TNPO3: variants seen among roughly 807,000 people sequenced by gnomAD.
TNPO3 encodes transportin-3.
TNPO3 carries 65 observed loss-of-function variants against 122.8 expected under a neutral mutation model. The ratio of observed to expected loss-of-function variants is 0.53; its 90% CI spans 0.43 to 0.65. The LOEUF is 0.65. Ranked by LOEUF, TNPO3 falls within the 30% of genes least tolerant of loss-of-function variation. The pLI, the probability that TNPO3 is intolerant of heterozygous loss-of-function variation, is 0.00. For missense variants in TNPO3, 850 were observed against 1,136.7 expected (o/e 0.75, Z 3.63); for synonymous variants, 372 against 411.2 (o/e 0.90, Z 1.15).
intron 6 of TNPO3, 76 bp downstream of exon 6, chr7:129,000,983 G>T: frequency 1.4e-6 from 2 of 1,480,012 alleles, no homozygotes; most frequent in Non-Finnish European, 1.9e-6. Flanking sequence ...AATGACAGAC[G>T]AATAATAAAA....
intron 1 of TNPO3, among the ~76,000 whole-genome samples, chr7:129,040,996 G>A (rs935766629): frequency 1.3e-5 from 2 of 152,134 alleles, no homozygotes; most frequent in Admixed American, 6.5e-5. Context: ...AAAATCACCC[G>A]TGATGACATT....
At chr7:129,015,260 A>G in intron 3 of TNPO3, 125 bp from the exon 4 acceptor site, 3 of 881,984 alleles carry the variant, frequency 3.4e-6, no homozygotes, top group Admixed American at 3.3e-5. Flanking sequence ...AAGGGGGAGA[A>G]AAAAGATACA....
intron 21 of TNPO3, among the ~76,000 whole-genome samples, chr7:128,960,126 T>C (rs150300000): frequency 1.7e-4 from 26 of 152,284 alleles, no homozygotes; most frequent in African/African-American, 2.4e-4. Context: ...ATGAGTATAA[T>C]AGAGATGAAC....
At chr7:128,986,941 G>A (rs758944531) in intron 11 of TNPO3, 21 bp from the exon 12 acceptor site, 3 of 1,582,870 alleles carry the variant, frequency 1.9e-6, no homozygotes, top group Non-Finnish European at 2.6e-6. Context: ...AAGCCAAGCA[G>A]AGATTACATA....
In TNPO3 at chr7:129,023,335, A is replaced by T. The variant is rs780402276; in HGVS notation, c.121-5178T>A. ...ACTATTTATATACATACTTTTCTAC[A>T]CTTGTATACATACACGTGTAGATAA... On this transcript the variant is annotated intron_variant, in intron 1 of 22. Transcript: ENST00000265388. Among the ~76,000 whole-genome samples the T allele has an allele frequency of 3.7e-4, 56 of 151,922 alleles. 1 individual carries two copies. The highest frequency in any genetic ancestry group is 2.0e-4 in the Admixed American group (3 of 15,246).
At chr7:129,050,908 C>T (rs1808682906) in intron 1 of TNPO3, among the ~76,000 whole-genome samples, 4 of 152,108 alleles carry the variant, frequency 2.6e-5, no homozygotes, top group Admixed American at 2.6e-4. Context: ...TCAGTGGATC[C>T]AGCACAACAA....
intron 8 of TNPO3, among the ~76,000 whole-genome samples, chr7:128,996,406 G>T (rs1048704516): frequency 6.6e-6 from 1 of 151,884 alleles, no homozygotes; most frequent in Non-Finnish European, 1.5e-5. Flanking sequence ...TTTCACTTTT[G>T]TATTAGTTTT....
chr7:129,056,031 AG>A (rs1358197644), upstream of TNPO3: 1 of 1,117,858 alleles, frequency 8.9e-7, no homozygotes, highest in Non-Finnish European at 1.3e-6. Context: ...GGCGCCCTCC[AG>A]GAAGTTCTTC....
intron 1 of TNPO3, among the ~76,000 whole-genome samples, chr7:129,034,197 A>G (rs1806289970): frequency 1.3e-5 from 2 of 152,206 alleles, no homozygotes; most frequent in Non-Finnish European, 2.9e-5. Flanking sequence ...TCTAACTTAT[A>G]TAAGGTACCT....
At chr7:128,976,922 C>T (rs144169931) in intron 16 of TNPO3, among the ~76,000 whole-genome samples, 2 of 152,282 alleles carry the variant, frequency 1.3e-5, no homozygotes, top group East Asian at 3.9e-4. Context: ...TCAAGGGTTG[C>T]CAAACATTTT....
intron 8 of TNPO3, among the ~76,000 whole-genome samples, chr7:128,996,093 T>C (rs1471835618): frequency 1.3e-5 from 2 of 152,190 alleles, no homozygotes; most frequent in Admixed American, 1.3e-4. Context: ...CAAAATACCA[T>C]GACTCAAACA....
At chr7:129,046,902 G>C (rs1220309776) in intron 1 of TNPO3, among the ~76,000 whole-genome samples, 1 of 152,168 alleles carries the variant, frequency 6.6e-6, no homozygotes, top group Non-Finnish European at 1.5e-5. Context: ...CCCCCATCAT[G>C]ATTCAATTAC....
chr7:128,997,639 T>C, intron 7 of TNPO3, 104 bp from the exon 8 acceptor site: 1 of 999,912 alleles, frequency 1.0e-6, no homozygotes. Context: ...TATTTTTAAA[T>C]AATATGAGTG....
At position 129,005,170 on chromosome 7, in the gene TNPO3, A is replaced by G. The variant is rs1430634349; in HGVS notation, c.553-11T>C. ...TTCTACACAGGTCATCTGAATAGAG[A>G]AAAAAACTTAAAATGAATAATGTTA... On this transcript the variant is annotated splice_polypyrimidine_tract_variant and intron_variant, in intron 4 of 22. Transcript: ENST00000265388. The G allele has an allele frequency of 6.2e-7, 1 of 1,604,180 alleles. No homozygotes were observed. Among genetic ancestry groups the G allele is most frequent in the Non-Finnish European group, 8.5e-7 (1 of 1,174,682 alleles).
At chr7:129,009,131 T>C (rs577923664) in intron 4 of TNPO3, among the ~76,000 whole-genome samples, 1 of 152,134 alleles carries the variant, frequency 6.6e-6, no homozygotes, top group Non-Finnish European at 1.5e-5. Context: ...AGTAAAAAGA[T>C]AGCAGGGATA....
chr7:128,981,369 A>G (rs1263743189), intron 14 of TNPO3, among the ~76,000 whole-genome samples: 1 of 152,206 alleles, frequency 6.6e-6, no homozygotes, highest in Non-Finnish European at 1.5e-5. Flanking sequence ...CTGTCACTCA[A>G]ATGCCTTTTT....
At chr7:128,957,430 T>C in intron 21 of TNPO3, 115 bp from the exon 22 acceptor site, 1 of 1,003,292 alleles carries the variant, frequency 1.0e-6, no homozygotes, top group Non-Finnish European at 1.5e-6. Context: ...AGGAGCTCTC[T>C]CCATCGTCTC....
chr7:128,976,604 G>T (rs962809460), intron 16 of TNPO3, among the ~76,000 whole-genome samples: 1 of 152,120 alleles, frequency 6.6e-6, no homozygotes, highest in Non-Finnish European at 1.5e-5. Context: ...CTCCCGAGCA[G>T]CTGGGACTAT....
chr7:129,020,644 T>C (rs994798414), intron 1 of TNPO3, among the ~76,000 whole-genome samples: 3 of 152,170 alleles, frequency 2.0e-5, no homozygotes, highest in African/African-American at 7.2e-5. Flanking sequence ...TTTCGCCATG[T>C]TGCCCAGGCT....
Sources: gnomAD v4.1 joint callset for allele counts (sites outside exome capture counted in the v4.1 genomes callset) on GRCh38, gnomAD v4.1.1 for gene constraint, MANE v1.5 for transcripts, NCBI Gene and HGNC (gene_info 2026-07-23, HGNC 2026-07-21) for gene names.